The following MREG variants were observed in gnomAD, a reference collection of about 807,000 sequenced individuals.
MREG encodes melanoregulin.
A neutral mutation model predicts 28.5 loss-of-function variants in MREG; 31 were observed. The ratio of observed to expected loss-of-function variants is 1.09; its 90% CI spans 0.82 to 1.47. The LOEUF is 1.47. Among genes scored for constraint, MREG ranks in the 40% most tolerant of loss-of-function variants. MREG has a pLI of 0.00. For synonymous variants in MREG, 106 were observed against 95.2 expected (o/e 1.11, Z -0.66); for missense variants, 256 against 257.4 (o/e 0.99, Z 0.04).
intron 1 of MREG, among the ~76,000 whole-genome samples, chr2:216,005,707 C>A (rs900810612): frequency 6.6e-6 from 1 of 151,874 alleles, no homozygotes; most frequent in African/African-American, 2.4e-5. Flanking sequence ...CCTGCCTCGG[C>A]CTCCCAAAGT....
intron 2 of MREG, among the ~76,000 whole-genome samples, chr2:215,956,663 C>T (rs534726129): frequency 2.6e-5 from 4 of 152,174 alleles, no homozygotes; most frequent in South Asian, 2.1e-4. Context: ...TTCAGCCTCC[C>T]GAGTTGTTAG....
chr2:215,993,961 G>GAAGAGGGCTT (rs1559190718), intron 2 of MREG, among the ~76,000 whole-genome samples: 16 of 152,084 alleles, frequency 1.1e-4, no homozygotes, highest in African/African-American at 3.9e-4. Flanking sequence ...TACACTGTTG[G>GAAGAGGGCTT]TGGGAGTGTA....
At chr2:216,013,851 T>C (rs1694383755), upstream of MREG, among the ~76,000 whole-genome samples, 1 of 152,004 alleles carries the variant, frequency 6.6e-6, no homozygotes, top group Non-Finnish European at 1.5e-5. Context: ...TGGGCATGTT[T>C]TTGATGTCAG....
At chr2:215,984,271 G>A (rs1236249979) in intron 2 of MREG, among the ~76,000 whole-genome samples, 4 of 152,054 alleles carry the variant, frequency 2.6e-5, no homozygotes, top group Non-Finnish European at 5.9e-5. Flanking sequence ...CTCCCCCCAT[G>A]TCCATCCCAC....
intron 1 of MREG, among the ~76,000 whole-genome samples, chr2:216,008,353 T>C (rs147672817): frequency 8.3e-4 from 127 of 152,312 alleles, no homozygotes; most frequent in Non-Finnish European, 1.5e-3. Context: ...TGTTACTCTC[T>C]AATTTCTATT....
intron 2 of MREG, among the ~76,000 whole-genome samples, chr2:215,988,335 G>C (rs1020855276): frequency 6.6e-6 from 1 of 152,128 alleles, no homozygotes; most frequent in Non-Finnish European, 1.5e-5. Context: ...GTGAGGGATC[G>C]TGCTGTGAGT....
intron 2 of MREG, among the ~76,000 whole-genome samples, chr2:215,962,543 C>T (rs149697220): frequency 8.9e-4 from 136 of 152,192 alleles, no homozygotes; most frequent in Non-Finnish European, 1.6e-3. Flanking sequence ...AATTCCTGCC[C>T]GTGGATAGAA....
At chr2:215,976,946 G>A (rs192301394) in intron 2 of MREG, among the ~76,000 whole-genome samples, 1 of 152,098 alleles carries the variant, frequency 6.6e-6, no homozygotes. Context: ...TAAAGACCAA[G>A]GATGCTAGGA....
intron 1 of MREG, among the ~76,000 whole-genome samples, chr2:216,022,864 G>T (rs1024887357): frequency 6.6e-6 from 1 of 152,304 alleles, no homozygotes; most frequent in Middle Eastern, 3.4e-3. Context: ...AAGGTGACTC[G>T]AAGTTGCAAA....
intron 2 of MREG, among the ~76,000 whole-genome samples, chr2:215,952,584 T>C (rs537501891): frequency 2.0e-5 from 3 of 152,290 alleles, no homozygotes; most frequent in South Asian, 4.1e-4. Context: ...AGGGGACTTA[T>C]ACACTTAAAG....
intron 1 of MREG, among the ~76,000 whole-genome samples, chr2:216,024,431 CAG>C (rs1270484499): frequency 6.6e-6 from 1 of 151,388 alleles, no homozygotes; most frequent in Non-Finnish European, 1.5e-5. Context: ...ACCTGGGTGA[CAG>C]AGTGAGACTC....
chr2:215,945,784 GTGT>G (rs1356985643), intron 3 of MREG, 50 bp from the exon 4 acceptor site: 1 of 1,528,746 alleles, frequency 6.5e-7, no homozygotes, highest in Admixed American at 1.8e-5. Context: ...AAGTTAACAA[GTGT>G]TCCGCAATAC....
intron 1 of MREG, among the ~76,000 whole-genome samples, chr2:216,031,657 A>AAG (rs761211830): frequency 1.4e-4 from 10 of 69,618 alleles, no homozygotes; most frequent in African/African-American, 5.9e-4. Context: ...AAAAGAAAGA[A>AAG]AGAAAGAAAG....
chr2:215,967,240 T>G (rs1325348159), intron 2 of MREG, among the ~76,000 whole-genome samples: 1 of 152,198 alleles, frequency 6.6e-6, no homozygotes, highest in Non-Finnish European at 1.5e-5. Context: ...TTGTCAGTCA[T>G]CTGCCTGCCT....
chr2:215,946,331 T>C lies in MREG; in HGVS notation c.347-597A>G, dbSNP rs558654574. 1.1e-4 allele frequency among the ~76,000 whole-genome samples: 16 copies of C among 150,774 alleles called. No individual in the cohort carries two copies. The East Asian group carries it at 3.1e-3, about 29-fold the overall frequency. On this transcript the variant is annotated intron_variant, in intron 3 of 4. Coordinates refer to ENST00000263268, the MANE Select transcript of MREG (RefSeq NM_018000.3). ...TCCCATTGCATGCCAACCAAAGCCA[T>C]AGAGATCGGTCACATGGCCCCCCAC...
upstream of MREG, among the ~76,000 whole-genome samples, chr2:216,015,121 G>GTT (rs1553556721): frequency 6.6e-6 from 1 of 151,832 alleles, no homozygotes; most frequent in Non-Finnish European, 1.5e-5. Flanking sequence ...GTGTGCACGC[G>GTT]TGTGTGTGCG....
rs13411674 is a variant in MREG at position 215,944,164 on chromosome 2, G to A, written c.*699C>T. ...CTGGCTAATTTTTGTATTTTTAGTA[G>A]AGACAGGGTTTCACCATGTTGGTCA... is the stretch of plus-strand genomic sequence containing the variant. On this transcript the variant is annotated 3_prime_UTR_variant, in exon 5 of 5. Transcript: ENST00000263268. The A allele has an allele frequency of 6.6e-6, 1 of 151,876 alleles. No individual in the cohort carries two copies. The highest frequency in any genetic ancestry group is 1.5e-5 in the Non-Finnish European group (1 of 68,016). 9.4% of individuals were successfully genotyped at this position (151,876 alleles called of 1,614,324 possible).
chr2:216,015,275 G>C (rs1236886512), upstream of MREG, among the ~76,000 whole-genome samples: 2 of 152,138 alleles, frequency 1.3e-5, no homozygotes, highest in African/African-American at 4.8e-5. Context: ...CGCTGAGACT[G>C]TGACATGTAA....
At chr2:216,031,531 G>GA (rs1559203942) in intron 1 of MREG, among the ~76,000 whole-genome samples, 87 of 140,224 alleles carry the variant, frequency 6.2e-4, no homozygotes, top group African/African-American at 2.1e-3. Flanking sequence ...GAAAAGAAAA[G>GA]AAAGAAGGAA....
Sources: gnomAD v4.1 joint callset for allele counts (sites outside exome capture counted in the v4.1 genomes callset) on GRCh38, gnomAD v4.1.1 for gene constraint, MANE v1.5 for transcripts, NCBI Gene and HGNC (gene_info 2026-07-23, HGNC 2026-07-21) for gene names.